The following SLC30A8 variants were observed in gnomAD, a reference collection of about 807,000 sequenced individuals.
The protein encoded by SLC30A8 is solute carrier family 30 member 8, also known as proton-coupled zinc antiporter SLC30A8.
SLC30A8 carries 27 observed loss-of-function variants against 36.9 expected under a neutral mutation model. That is an observed-to-expected ratio of 0.73 (90% CI 0.54 to 1.01). The LOEUF is 1.01. Ranked by LOEUF, SLC30A8 falls within the 50% of genes least tolerant of loss-of-function variation. The pLI is 0.00. For missense variants in SLC30A8, 439 were observed against 452.0 expected, an observed-to-expected ratio of 0.97 and a Z score of 0.26; for synonymous variants, 164 against 172.4, an observed-to-expected ratio of 0.95 and a Z score of 0.38.
intron 2 of SLC30A8, among the ~76,000 whole-genome samples, chr8:117,053,932 A>G (rs1411752233): frequency 6.6e-6 from 1 of 152,206 alleles, no homozygotes; most frequent in Non-Finnish European, 1.5e-5. Flanking sequence ...TATGGAAGTG[A>G]GCACTCAGTG....
Position 117,100,712 on chromosome 8 carries a change from A to G in SLC30A8, c.-225-34568A>G, listed in dbSNP as rs556596910. 1.9e-3 allele frequency among the ~76,000 whole-genome samples: 283 copies of G among 152,332 alleles called. 2 individuals are homozygous for G. Among genetic ancestry groups the G allele is most frequent in the Non-Finnish European group, 7.5e-4 (51 of 68,036 alleles). On this transcript the variant is annotated intron_variant, in intron 2 of 10. Transcript: ENST00000427715. Reference sequence around the variant, plus strand: ...TTCAGTTCAATCTCTAAGATCTGAAATAGCTAGTTGCCTGTTTAGAGTAGA... The same window carrying G: ...TTCAGTTCAATCTCTAAGATCTGAAGTAGCTAGTTGCCTGTTTAGAGTAGA...
chr8:117,070,720 C>G (rs1274485866), intron 2 of SLC30A8, among the ~76,000 whole-genome samples: 2 of 152,162 alleles, frequency 1.3e-5, no homozygotes, highest in Non-Finnish European at 2.9e-5. Flanking sequence ...ACTCTTTGAT[C>G]AGCAACTTTC....
In SLC30A8 at chr8:117,153,081, C is replaced by G; in HGVS notation, c.409C>G (p.His137Asp). ...CTCTAAGCGGCTGACATTTGGATGG[C>G]ACCGAGCAGGTACGGTTCATAGAGT... ...PPSKRLTFGW[H>D]RAEILGALLS... The change falls in exon 3 of 8, where the codon CAC becomes GAC. Residue 137 changes from histidine (H) to aspartate (D), a missense_variant. Transcript: ENST00000456015. The G allele has an allele frequency of 6.2e-7, 1 of 1,608,870 alleles. No homozygotes were observed.
chr8:117,106,272 A>C (rs1231907279), intron 2 of SLC30A8, among the ~76,000 whole-genome samples: 1 of 152,186 alleles, frequency 6.6e-6, no homozygotes, highest in Non-Finnish European at 1.5e-5. Context: ...TTTTCATTTA[A>C]TTGTAATTAA....
At chr8:117,029,820 C>T (rs887686260) in intron 1 of SLC30A8, among the ~76,000 whole-genome samples, 1 of 152,044 alleles carries the variant, frequency 6.6e-6, no homozygotes, top group Non-Finnish European at 1.5e-5. Context: ...AGTCCAATGT[C>T]GGAATATTTG....
intron 5 of SLC30A8, among the ~76,000 whole-genome samples, chr8:117,162,481 G>T (rs1031804730): frequency 6.6e-6 from 1 of 151,978 alleles, no homozygotes; most frequent in South Asian, 2.1e-4. Context: ...ATGACTTCCC[G>T]GTAAGCCTCT....
chr8:117,032,726 G>C (rs1586422908), intron 1 of SLC30A8, among the ~76,000 whole-genome samples: 1 of 151,960 alleles, frequency 6.6e-6, no homozygotes. Flanking sequence ...CCCGTCTCTA[G>C]TAAAAGTACA....
chr8:116,974,376 G>A (rs1814904540), intron 1 of SLC30A8, among the ~76,000 whole-genome samples: 1 of 152,184 alleles, frequency 6.6e-6, no homozygotes, highest in Non-Finnish European at 1.5e-5. Context: ...AGTGGGGGAA[G>A]GACATGAACA....
chr8:117,073,753 T>C (rs1277632876), intron 2 of SLC30A8, among the ~76,000 whole-genome samples: 1 of 152,162 alleles, frequency 6.6e-6, no homozygotes, highest in Non-Finnish European at 1.5e-5. Flanking sequence ...AAAAGAGATA[T>C]TATTTTAGCC....
chr8:117,050,028 A>G (rs1817661193), intron 2 of SLC30A8, among the ~76,000 whole-genome samples: 1 of 152,194 alleles, frequency 6.6e-6, no homozygotes, highest in African/African-American at 2.4e-5. Flanking sequence ...AAAAAGAGTG[A>G]CAATGTCAGG....
intron 2 of SLC30A8, among the ~76,000 whole-genome samples, chr8:117,054,028 T>TA (rs1349623764): frequency 6.6e-6 from 1 of 151,854 alleles, no homozygotes. Flanking sequence ...TCATTACAGA[T>TA]ATGTGAGAAT....
chr8:117,172,771 A>C lies in SLC30A8; in HGVS notation c.*90A>C. On this transcript the variant is annotated 3_prime_UTR_variant, in exon 8 of 8. Transcript: ENST00000456015. Reference sequence around the variant, plus strand: ...CTGCATCATAGAAAATAAGGAACCAAAGGAAGAAATTCATGTCATGGTGCA... The same window carrying C: ...CTGCATCATAGAAAATAAGGAACCACAGGAAGAAATTCATGTCATGGTGCA... 6.8e-7 allele frequency: 1 copy of C among 1,465,172 alleles called. No homozygotes were observed. The highest frequency in any genetic ancestry group is 9.4e-7 in the Non-Finnish European group (1 of 1,065,130). The allele number at this position is 1,465,172 out of a possible 1,614,324, so 90.8% of individuals were successfully genotyped here.
At chr8:117,106,584 A>G (rs6982630) in intron 2 of SLC30A8, among the ~76,000 whole-genome samples, 34,646 of 152,036 alleles carry the variant, frequency 0.23, 4,110 homozygotes, top group East Asian at 0.33. Context: ...AACTGCTGAG[A>G]ATTAGAGCTT....
intron 2 of SLC30A8, among the ~76,000 whole-genome samples, chr8:117,048,708 C>T (rs1178162163): frequency 6.6e-6 from 1 of 152,134 alleles, no homozygotes; most frequent in Non-Finnish European, 1.5e-5. Flanking sequence ...GTTCTATAGC[C>T]TGCAGAAGTG....
chr8:117,125,510 T>C (rs1820867225), intron 2 of SLC30A8, among the ~76,000 whole-genome samples: 5 of 151,982 alleles, frequency 3.3e-5, no homozygotes, highest in Admixed American at 2.6e-4. Flanking sequence ...CTTGTGCTAT[T>C]AGCAGGAGTG....
At chr8:117,101,454 A>T (rs967661234) in intron 2 of SLC30A8, among the ~76,000 whole-genome samples, 9 of 152,184 alleles carry the variant, frequency 5.9e-5, no homozygotes, top group African/African-American at 1.9e-4. Flanking sequence ...ACTGCCTGTG[A>T]TCAGCCACTG....
At chr8:117,139,594 A>G (rs1010132428) in intron 1 of SLC30A8, among the ~76,000 whole-genome samples, 1 of 152,128 alleles carries the variant, frequency 6.6e-6, no homozygotes. Flanking sequence ...TGGTCAATTC[A>G]TACCTCAGGG....
chr8:117,108,340 T>C (rs1258852443), intron 2 of SLC30A8, among the ~76,000 whole-genome samples: 1 of 152,156 alleles, frequency 6.6e-6, no homozygotes, highest in East Asian at 1.9e-4. Context: ...AGCAGAATGG[T>C]GTTTAGAGTG....
intron 1 of SLC30A8, among the ~76,000 whole-genome samples, chr8:116,972,640 G>A (rs921653781): frequency 6.6e-6 from 1 of 152,126 alleles, no homozygotes; most frequent in Non-Finnish European, 1.5e-5. Flanking sequence ...CTATTTTGGG[G>A]GACCATAGTG....
Sources: allele counts gnomAD v4.1 joint callset (sites outside exome capture counted in the v4.1 genomes callset), GRCh38; gene constraint gnomAD v4.1.1; transcripts MANE v1.5; gene names NCBI Gene and HGNC (gene_info 2026-07-23, HGNC 2026-07-21).